The following DMD variants were observed in gnomAD, a reference collection of about 807,000 sequenced individuals.
The protein encoded by DMD is mutant dystrophin.
In DMD, 63 loss-of-function variants were observed where a neutral mutation model predicts 330.1. The ratio of observed to expected loss-of-function variants is 0.19; its 90% CI spans 0.16 to 0.24. The LOEUF is 0.24. Among genes scored for constraint, DMD ranks in the 10% least tolerant of loss-of-function variants. DMD has a pLI of 1.00. For synonymous variants in DMD, 1,223 were observed against 959.8 expected (o/e 1.27, Z -5.07); for missense variants, 3,344 against 2,684.1 (o/e 1.25, Z -5.43).
intron 2 of DMD, among the ~76,000 whole-genome samples, chrX:32,901,797 A>T (rs1358447758): frequency 9.0e-6 from 1 of 110,724 alleles, no homozygotes; most frequent in Non-Finnish European, 1.9e-5. Flanking sequence ...GAACATGTGT[A>T]AAGCAAGGGG....
chrX:32,829,788 A>G (rs1386455746), intron 4 of DMD, among the ~76,000 whole-genome samples: 1 of 111,640 alleles, frequency 9.0e-6, no homozygotes, highest in African/African-American at 3.2e-5. Context: ...ATTTATGTGC[A>G]TTTTACCAAG....
chrX:32,621,781 T>C (rs113230769), intron 11 of DMD, among the ~76,000 whole-genome samples: 7,167 of 110,510 alleles, frequency 0.065, 575 homozygotes, highest in African/African-American at 0.22. Context: ...AGCCCTGCTT[T>C]TTCTCTCTTC....
chrX:31,466,118 T>C (rs1442418682), intron 59 of DMD, among the ~76,000 whole-genome samples: 1 of 112,278 alleles, frequency 8.9e-6, no homozygotes, highest in Non-Finnish European at 1.9e-5. Flanking sequence ...TTTCTCCCAT[T>C]CTGTAGGTTG....
intron 48 of DMD, among the ~76,000 whole-genome samples, chrX:31,862,413 G>A (rs776126746): frequency 9.0e-6 from 1 of 111,154 alleles, no homozygotes; most frequent in Non-Finnish European, 1.9e-5. Flanking sequence ...GTACAGGTGT[G>A]AGCCATTGCG....
At chrX:31,387,441 C>G (rs1238360809) in intron 60 of DMD, among the ~76,000 whole-genome samples, 1 of 110,719 alleles carries the variant, frequency 9.0e-6, no homozygotes, top group Non-Finnish European at 1.9e-5. Context: ...GCTCTGTCAC[C>G]CAGGCTGGAG....
chrX:31,315,233 C>T (rs1386387568), intron 62 of DMD, among the ~76,000 whole-genome samples: 1 of 112,070 alleles, frequency 8.9e-6, no homozygotes, highest in East Asian at 2.8e-4. Context: ...AAATGCAGCT[C>T]ACACTGGGGC....
chrX:32,656,519 T>A (rs1394915683), intron 9 of DMD, among the ~76,000 whole-genome samples: 5 of 112,364 alleles, frequency 4.4e-5, no homozygotes, highest in Non-Finnish European at 9.4e-5. Flanking sequence ...TACTCTAATT[T>A]TCTAGCAGCT....
At chrX:32,589,956 TAGAG>T (rs2054714777) in intron 13 of DMD, among the ~76,000 whole-genome samples, 2 of 111,555 alleles carry the variant, frequency 1.8e-5, no homozygotes, top group East Asian at 5.6e-4. Flanking sequence ...CGAACACTCA[TAGAG>T]AAAGATAGAC....
At chrX:32,353,551 C>T (rs1450796110) in intron 37 of DMD, among the ~76,000 whole-genome samples, 1 of 111,289 alleles carries the variant, frequency 9.0e-6, no homozygotes, top group African/African-American at 3.2e-5. Flanking sequence ...CACAAAAGAA[C>T]TGGAATCACA....
chrX:32,609,260 CTCTT>C (rs1403366875), intron 12 of DMD, among the ~76,000 whole-genome samples: 1 of 110,792 alleles, frequency 9.0e-6, no homozygotes, highest in African/African-American at 3.3e-5. Flanking sequence ...TGTTTCTCTG[CTCTT>C]TTATTTATCC....
intron 2 of DMD, among the ~76,000 whole-genome samples, chrX:32,890,646 A>C (rs1487505528): frequency 9.0e-6 from 1 of 111,382 alleles, no homozygotes; most frequent in African/African-American, 3.3e-5. Context: ...TTTGGTAAGA[A>C]GGCGAAACAT....
chrX:32,743,753 C>T (rs1247761039), intron 7 of DMD, among the ~76,000 whole-genome samples: 1 of 110,898 alleles, frequency 9.0e-6, no homozygotes, highest in Non-Finnish European at 1.9e-5. Flanking sequence ...TCTGTGGTTC[C>T]CCCAAGATAA....
At chrX:31,572,559 G>C (rs2075878935) in intron 55 of DMD, among the ~76,000 whole-genome samples, 1 of 112,186 alleles carries the variant, frequency 8.9e-6, no homozygotes, top group Non-Finnish European at 1.9e-5. Context: ...CCCGTTGGAA[G>C]CAGTCCTAAA....
chrX:31,731,826 C>T lies in DMD; in HGVS notation c.7543-2078G>A, dbSNP rs762008142. Among the ~76,000 whole-genome samples the T allele has an allele frequency of 7.1e-4, 79 of 111,260 alleles. 1 individual carries two copies. Among genetic ancestry groups the T allele is most frequent in the African/African-American group, 2.5e-3 (76 of 30,788 alleles). ...GATACATTATTCACTGTTTGCTATA[C>T]TTTTTTCCTTCTTTTAAGATTTCAA... On this transcript the variant is annotated intron_variant, in intron 51 of 78. Transcript: ENST00000357033.
intron 61 of DMD, among the ~76,000 whole-genome samples, chrX:31,346,541 T>C (rs1016759882): frequency 9.0e-6 from 1 of 111,466 alleles, no homozygotes; most frequent in African/African-American, 3.3e-5. Flanking sequence ...AAATTAACAT[T>C]AATCAGAGGA....
At chrX:32,600,600 A>G (rs974113676) in intron 12 of DMD, among the ~76,000 whole-genome samples, 22 of 80,872 alleles carry the variant, frequency 2.7e-4, no homozygotes, top group Admixed American at 2.4e-3. Flanking sequence ...ACGCACACGC[A>G]CACACACACA....
chrX:31,366,494 A>AAAT (rs2059254413), intron 60 of DMD, among the ~76,000 whole-genome samples: 1 of 100,066 alleles, frequency 1.0e-5, no homozygotes, highest in African/African-American at 3.8e-5. Context: ...AAAAAAAAAA[A>AAAT]AACATAAAAA....
intron 7 of DMD, among the ~76,000 whole-genome samples, chrX:32,801,726 T>C (rs1569524769): frequency 1.8e-5 from 2 of 112,079 alleles, no homozygotes; most frequent in African/African-American, 3.3e-5. Flanking sequence ...CTTCTGCATA[T>C]GGCTAGCCAG....
intron 2 of DMD, among the ~76,000 whole-genome samples, chrX:33,006,591 A>T (rs1037333064): frequency 6.3e-5 from 7 of 111,579 alleles, no homozygotes; most frequent in Middle Eastern, 4.6e-3. Flanking sequence ...CAGAAGAGAG[A>T]CAAAGATCAA....
Sources: allele counts gnomAD v4.1 joint callset (sites outside exome capture counted in the v4.1 genomes callset), GRCh38; gene constraint gnomAD v4.1.1; transcripts MANE v1.5; gene names NCBI Gene and HGNC (gene_info 2026-07-23, HGNC 2026-07-21).